The following TMEM259 variants were observed in gnomAD, a reference collection of about 807,000 sequenced individuals.
The protein encoded by TMEM259 is transmembrane protein 259.
A neutral mutation model predicts 46.7 loss-of-function variants in TMEM259; 26 were observed. That is an observed-to-expected ratio of 0.56 (90% confidence interval 0.41 to 0.77). The LOEUF is 0.77. Ranked by LOEUF, TMEM259 falls within the 30% of genes least tolerant of loss-of-function variation. The pLI is 0.00. For missense variants in TMEM259, 930 were observed against 900.5 expected (o/e 1.03, Z -0.42); for synonymous variants, 494 against 395.1 (o/e 1.25, Z -2.97).
In TMEM259 at chr19:1,010,870, T is replaced by C. The variant is rs1599469418; in HGVS notation, c.1343A>G (p.His448Arg). 4.5e-6 allele frequency: 7 copies of C among 1,548,618 alleles called. No individual in the cohort carries two copies. In the East Asian group the frequency reaches 1.4e-4, roughly 31 times the overall value. The change falls in exon 11 of 11, where the codon CAC becomes CGC. Residue 448 changes from histidine (H) to arginine (R), a missense_variant. His to Arg is a conservative substitution (Grantham distance 29). Coordinates refer to ENST00000356663, the MANE Select transcript of TMEM259 (RefSeq NM_001033026.2). ...IQHSMIYFFH[H>R]YELPAILQQV... ...CTGCAGGATGGCAGGCAGCTCGTAG[T>C]GGTGGAAGAAGTAGATCATGGAATG...
Position 1,009,727 on chromosome 19 carries a change from C to T in TMEM259, c.*623G>A. The T allele has an allele frequency of 2.3e-6, 2 of 859,832 alleles. No individual in the cohort carries two copies. Among genetic ancestry groups the T allele is most frequent in the Non-Finnish European group, 3.2e-6 (2 of 620,518 alleles). 53.3% of individuals were successfully genotyped at this position (859,832 alleles called of 1,614,324 possible). ...GCAATTAAATAGAATGGAATGAGCGCTCCTCCGCATTCCTCCCCGAGTGAC... is the reference window on the plus strand; with the variant it reads ...GCAATTAAATAGAATGGAATGAGCGTTCCTCCGCATTCCTCCCCGAGTGAC... On this transcript the variant is annotated 3_prime_UTR_variant, in exon 11 of 11. Coordinates refer to ENST00000356663, the MANE Select transcript of TMEM259 (RefSeq NM_001033026.2).
At position 1,020,643 on chromosome 19, in the gene TMEM259, G is replaced by A; in HGVS notation, c.225+129C>T. The stretch of plus-strand genomic sequence containing the variant: ...GGAGAGCCCTAATCGGTAGGGCCGG[G>A]TATAGGCCTCAGGGTGCAGGGTGGC... On this transcript the variant is annotated intron_variant, in intron 1 of 10. Transcript: ENST00000356663. The surrounding 1 kb of genome is among the most constrained non-coding windows in gnomAD (Gnocchi z 4.0). 3 of 571,248 alleles carry A rather than the reference G, an allele frequency of 5.3e-6. No individual in the cohort carries two copies. The highest frequency in any genetic ancestry group is 7.9e-6 in the Non-Finnish European group (3 of 380,884). The allele number at this position is 571,248 out of a possible 1,614,324, so 35.4% of individuals were successfully genotyped here.
rs1408105754 is a variant in TMEM259 at position 1,011,564 on chromosome 19, C to T, written c.1084+16G>A. 14 of 1,092,678 alleles carry T rather than the reference C, an allele frequency of 1.3e-5. No homozygotes were observed. Among genetic ancestry groups the T allele is most frequent in the Middle Eastern group, 2.8e-4 (1 of 3,546 alleles). 67.7% of individuals were successfully genotyped at this position (1,092,678 alleles called of 1,614,324 possible). A position where few individuals can be genotyped will look rare whatever the true frequency, so the allele number is the denominator to read the frequency against. On this transcript the variant is annotated intron_variant, in intron 8 of 10. Coordinates refer to ENST00000356663, the MANE Select transcript of TMEM259 (RefSeq NM_001033026.2). ...GGGTGCAGCGCGGGGCGGGGGAGGC[C>T]GGGTGGGGTCCTCACCGACGAGGGC...
chr19:1,019,552 C>T (rs1821531859), intron 1 of TMEM259, among the ~76,000 whole-genome samples: 1 of 152,142 alleles, frequency 6.6e-6, no homozygotes, highest in African/African-American at 2.4e-5. Context: ...TGGGGAGGCA[C>T]GGATCTGGAG....
chr19:1,018,069 G>A (rs1275464946), intron 1 of TMEM259, among the ~76,000 whole-genome samples: 1 of 152,176 alleles, frequency 6.6e-6, no homozygotes, highest in African/African-American at 2.4e-5. Flanking sequence ...CATGTCCAGG[G>A]GTGCTGAGTC....
intron 1 of TMEM259, among the ~76,000 whole-genome samples, chr19:1,018,319 G>A (rs739884): frequency 0.62 from 94,068 of 152,044 alleles, 30,056 homozygotes; most frequent in African/African-American, 0.78. Context: ...ATTTCCTAAA[G>A]CCACCCAGGC....
intron 1 of TMEM259, among the ~76,000 whole-genome samples, chr19:1,019,600 C>T (rs969259340): frequency 3.4e-4 from 52 of 152,130 alleles, no homozygotes; most frequent in Non-Finnish European, 4.3e-4. Flanking sequence ...CAGGCTGGGA[C>T]CCACACCCAG....
In TMEM259 at chr19:1,010,246, C is replaced by T. The variant is rs1346674522; in HGVS notation, c.*104G>A. ...AAACCCTGAAAGCCCCCGACACAGG[C>T]TGGGCAGTCCCAGAGGAAGGAGGTG... On this transcript the variant is annotated 3_prime_UTR_variant, in exon 11 of 11. Coordinates refer to ENST00000356663, the MANE Select transcript of TMEM259 (RefSeq NM_001033026.2). 3 of 1,120,144 alleles carry T rather than the reference C, an allele frequency of 2.7e-6. No individual in the cohort carries two copies. The highest frequency in any genetic ancestry group is 1.9e-5 in the South Asian group (1 of 53,748). 69.4% of individuals were successfully genotyped at this position (1,120,144 alleles called of 1,614,324 possible).
In TMEM259 at chr19:1,020,424, G is replaced by A. The variant is rs1289595156; in HGVS notation, c.225+348C>T. ...CAGGCCAGGACCGGACTCCAAGCCTGGGTAGGTGGGGACCTGGGAAAGGCG... is the reference window on the plus strand; with the variant it reads ...CAGGCCAGGACCGGACTCCAAGCCTAGGTAGGTGGGGACCTGGGAAAGGCG... On this transcript the variant is annotated intron_variant, in intron 1 of 10. Transcript: ENST00000356663. This position sits in a 1 kb window ranked among gnomAD's most constrained non-coding sequence, Gnocchi z 4.0. Among the ~76,000 whole-genome samples the A allele has an allele frequency of 6.6e-6, 1 of 152,074 alleles. No individual in the cohort carries two copies. The highest frequency in any genetic ancestry group is 1.5e-5 in the Non-Finnish European group (1 of 67,992).
rs553445332 is a variant in TMEM259, at chr19:1,010,776, G to C, written c.1437C>G (p.Pro479=). 1.4e-5 allele frequency: 21 copies of C among 1,555,314 alleles called. No individual in the cohort carries two copies. The highest frequency in any genetic ancestry group is 1.8e-4 in the Middle Eastern group (1 of 5,702). The part of the protein sequence containing the change: ...PLGPGTPTAL[P]DDMNNNSGAP... ...CGCCCGAGTTGTTGTTCATGTCATC[G>C]GGCAGCGCCGTGGGGGTCCCGGGGC... Residue 479 remains proline, a synonymous_variant, in exon 11 of 11, where the codon CCC becomes CCG. Coordinates refer to ENST00000356663, the MANE Select transcript of TMEM259 (RefSeq NM_001033026.2).
Position 1,011,202 on chromosome 19 carries a change from G to T in TMEM259, c.1218-7C>A. On this transcript the variant is annotated splice_region_variant and splice_polypyrimidine_tract_variant and intron_variant, in intron 9 of 10. Transcript: ENST00000356663. Reference sequence around the variant, plus strand: ...GTGGTAGAGATAGAAGAACCTGCGGGGCGGGGTGAGGGCGTCGGGGCTGCA... The same window carrying T: ...GTGGTAGAGATAGAAGAACCTGCGGTGCGGGGTGAGGGCGTCGGGGCTGCA... 1 of 1,584,638 alleles carries T rather than the reference G, an allele frequency of 6.3e-7. No individual in the cohort carries two copies.
In TMEM259 at chr19:1,011,395, T is replaced by C. The variant is rs1234395498; in HGVS notation, c.1189A>G (p.Thr397Ala). The part of the protein sequence containing the change: ...ADQYDAICCH[T>A]STSKRHWLRF... ...AGCCAATGCCGCTTGCTGGTGCTGG[T>C]GTGGCAGCAGATGGCGTCATACTGG... The change falls in exon 9 of 11, where the codon ACC becomes GCC. Residue 397 changes from threonine to alanine, a missense_variant. By Grantham distance (58) the Thr-to-Ala change is moderately conservative. Coordinates refer to ENST00000356663, the MANE Select transcript of TMEM259 (RefSeq NM_001033026.2). The C allele has an allele frequency of 1.1e-5, 18 of 1,567,406 alleles. No homozygotes were observed. The highest frequency in any genetic ancestry group is 1.6e-5 in the Non-Finnish European group (18 of 1,158,724).
Position 1,012,527 on chromosome 19 carries a change from G to A in TMEM259, c.654C>T (p.Gly218=), listed in dbSNP as rs1277562806. 5.0e-6 allele frequency: 8 copies of A among 1,601,082 alleles called. No individual in the cohort carries two copies. The highest frequency in any genetic ancestry group is 2.7e-5 in the African/African-American group (2 of 74,736). The change falls in exon 4 of 11, where the codon GGC becomes GGT. Residue 218 remains glycine, a synonymous_variant. Transcript: ENST00000356663. ...GGGTGGCCTGCGACAGGCGAAGGAA[G>A]CCATACTCTAGTGAGTACTCCACGA... The part of the protein sequence containing the change: ...EYIVEYSLEY[G]FLRLSQATRQ...
intron 2 of TMEM259, chr19:1,013,552 C>CA (rs766549265): frequency 5.4e-6 from 3 of 552,396 alleles, no homozygotes; most frequent in Non-Finnish European, 9.8e-6. Context: ...ATCTCCAGCA[C>CA]AGCTCTGAAT....
chr19:1,013,041 G>A (rs1459704978), intron 3 of TMEM259, among the ~76,000 whole-genome samples, 200 bp downstream of exon 3: 1 of 152,220 alleles, frequency 6.6e-6, no homozygotes, highest in African/African-American at 2.4e-5. Context: ...AGGATGAGCT[G>A]AGCCAGTTAC....
At chr19:1,014,709 C>A (rs2039051513) in intron 1 of TMEM259, among the ~76,000 whole-genome samples, 2 of 152,196 alleles carry the variant, frequency 1.3e-5, no homozygotes, top group African/African-American at 4.8e-5. Flanking sequence ...CCCACTCCAA[C>A]CCCGGAGGGG....
At position 1,020,708 on chromosome 19, in the gene TMEM259, G is replaced by A. The variant is rs1047518678; in HGVS notation, c.225+64C>T. 3.4e-6 allele frequency: 4 copies of A among 1,189,438 alleles called. No homozygotes were observed. Among genetic ancestry groups the A allele is most frequent in the East Asian group, 6.3e-5 (2 of 31,544 alleles). The allele number at this position is 1,189,438 out of a possible 1,614,324, so 73.7% of individuals were successfully genotyped here. A position where few individuals can be genotyped will look rare whatever the true frequency, so the allele number is the denominator to read the frequency against. On this transcript the variant is annotated intron_variant, in intron 1 of 10. Transcript: ENST00000356663. This position sits in a 1 kb window ranked among gnomAD's most constrained non-coding sequence, Gnocchi z 4.0. ...GCGGGGCCAGGGGTCGCGGTCGGAG[G>A]TAGCAGACTTGGGGGTCGGGACAGC...
chr19:1,012,536 T>C lies in TMEM259; in HGVS notation c.645A>G (p.Leu215=). The part of the protein sequence containing the change: ...PQDEYIVEYS[L]EYGFLRLSQA... ...GCGACAGGCGAAGGAAGCCATACTC[T>C]AGTGAGTACTCCACGATGTACTCGT... The change falls in exon 4 of 11, where the codon CTA becomes CTG. Residue 215 remains leucine (L), a synonymous_variant. Transcript: ENST00000356663. 1 of 1,599,902 alleles carries C rather than the reference T, an allele frequency of 6.3e-7. No homozygotes were observed. The highest frequency in any genetic ancestry group is 8.5e-7 in the Non-Finnish European group (1 of 1,174,414).
chr19:1,011,705 G>A (rs2038930454), intron 7 of TMEM259, 36 bp downstream of exon 7: 4 of 1,530,152 alleles, frequency 2.6e-6, no homozygotes, highest in Non-Finnish European at 3.5e-6. Flanking sequence ...GGGCCTGGAG[G>A]ACGCCCGCCC....
Sources: allele counts gnomAD v4.1 joint callset (sites outside exome capture counted in the v4.1 genomes callset), GRCh38; gene constraint gnomAD v4.1.1; non-coding constraint Gnocchi (gnomAD v3.1); transcripts MANE v1.5; gene names NCBI Gene and HGNC (gene_info 2026-07-23, HGNC 2026-07-21).